Variants in PRR5 observed in about 807,000 individuals in gnomAD.
PRR5 encodes proline-rich protein 5.
A neutral mutation model predicts 30.6 loss-of-function variants in PRR5; 25 were observed. That is an observed-to-expected ratio of 0.82 (90% CI 0.60 to 1.14). The LOEUF is 1.14. Among genes scored for constraint, PRR5 ranks in the 50% most tolerant of loss-of-function variants. PRR5 has a pLI of 0.00. For missense variants in PRR5, 600 were observed against 547.1 expected (o/e 1.10, Z -0.96); for synonymous variants, 286 against 247.1 (o/e 1.16, Z -1.48).
intron 6 of PRR5, chr22:44,734,670 T>G (rs1291257156): frequency 9.2e-6 from 2 of 216,584 alleles, no homozygotes; most frequent in Non-Finnish European, 1.8e-5. Flanking sequence ...CTGCGTGGGG[T>G]CAGCCAGTGT....
Position 44,737,037 on chromosome 22 carries a change from C to T in PRR5, c.957C>T (p.Pro319=). 3 of 1,604,326 alleles carry T rather than the reference C, an allele frequency of 1.9e-6. No individual in the cohort carries two copies. The highest frequency in any genetic ancestry group is 2.6e-6 in the Non-Finnish European group (3 of 1,175,504). ...SSPAPHSGPC[P]SRLYPTTQPP... The stretch of plus-strand genomic sequence containing the variant: ...CGGCGCCCCACTCAGGGCCCTGCCC[C>T]AGCAGACTGTACCCCACGACCCAGC... The change falls in exon 8 of 8, where the codon CCC becomes CCT. Residue 319 remains proline (P), a synonymous_variant. Transcript: ENST00000336985.
At chr22:44,682,218 G>A (rs1306041373) in intron 1 of PRR5, among the ~76,000 whole-genome samples, 1 of 152,246 alleles carries the variant, frequency 6.6e-6, no homozygotes, top group Non-Finnish European at 1.5e-5. Flanking sequence ...CTCCAGGGAG[G>A]CCTCTGGCCA....
upstream of PRR5, among the ~76,000 whole-genome samples, chr22:44,672,574 A>G (rs1923486706): frequency 2.0e-5 from 3 of 152,328 alleles, no homozygotes; most frequent in South Asian, 4.1e-4. Context: ...AGACAGAGCG[A>G]GACACCGTCT....
chr22:44,678,116 G>T (rs1923925788), intron 1 of PRR5, among the ~76,000 whole-genome samples: 1 of 152,174 alleles, frequency 6.6e-6, no homozygotes, highest in South Asian at 2.1e-4. Context: ...CTGCATGCGG[G>T]CTCTTGATGG....
In PRR5 at chr22:44,735,044, G is replaced by A; in HGVS notation, c.573G>A (p.Arg191=). ...TCCTGCAGGGGGTACATGAGTCCAG[G>A]GGCGTGACTGAGGACTACCTGCGCC... The part of the protein sequence containing the change: ...LLVLQGVHES[R]GVTEDYLRLE... Residue 191 remains arginine (R), a synonymous_variant, in exon 7 of 8, where the codon AGG becomes AGA. Transcript: ENST00000336985. The A allele has an allele frequency of 6.2e-7, 1 of 1,612,772 alleles. No homozygotes were observed. The highest frequency in any genetic ancestry group is 8.5e-7 in the Non-Finnish European group (1 of 1,179,578).
At chr22:44,704,402 T>C (rs1926860138) in intron 1 of PRR5, among the ~76,000 whole-genome samples, 1 of 152,098 alleles carries the variant, frequency 6.6e-6, no homozygotes, top group Non-Finnish European at 1.5e-5. Context: ...TGGGTGACCC[T>C]GGAGTGGGCT....
chr22:44,674,271 C>G (rs1284841488), upstream of PRR5, among the ~76,000 whole-genome samples: 2 of 152,000 alleles, frequency 1.3e-5, no homozygotes, highest in Non-Finnish European at 2.9e-5. Flanking sequence ...CACACCCTGC[C>G]AGTGTTTTCG....
chr22:44,737,565 C>T lies in PRR5; in HGVS notation c.*318C>T. On this transcript the variant is annotated 3_prime_UTR_variant, in exon 8 of 8. Transcript: ENST00000336985. ...CACACCTGCCCACAGAGAATGTAAA[C>T]CCAGTGGGCTCTGCCCACGCCGGGC... 1 of 350,692 alleles carries T rather than the reference C, an allele frequency of 2.9e-6. No individual in the cohort carries two copies. The highest frequency in any genetic ancestry group is 5.1e-6 in the Non-Finnish European group (1 of 195,096). The allele number at this position is 350,692 out of a possible 1,614,324, so 21.7% of individuals were successfully genotyped here. A position where few individuals can be genotyped will look rare whatever the true frequency, so the allele number is the denominator to read the frequency against.
At chr22:44,681,430 A>C (rs1424142552) in intron 1 of PRR5, among the ~76,000 whole-genome samples, 2 of 152,118 alleles carry the variant, frequency 1.3e-5, no homozygotes, top group Non-Finnish European at 2.9e-5. Flanking sequence ...TCTACTAAAA[A>C]TATAAAAATT....
intron 4 of PRR5, chr22:44,730,484 C>G (rs1193085706): frequency 1.0e-6 from 1 of 988,466 alleles, no homozygotes; most frequent in African/African-American, 1.7e-5. Context: ...GAACCCAGAG[C>G]CAGCTTGGGC....
In PRR5 at chr22:44,714,622, C is replaced by A. The variant is rs587777903; in HGVS notation, c.166C>A (p.Arg56Ser). The A allele has an allele frequency of 6.2e-7, 1 of 1,613,696 alleles. No homozygotes were observed. Among genetic ancestry groups the A allele is most frequent in the Non-Finnish European group, 8.5e-7 (1 of 1,179,996 alleles). ...CAACGGGGTGATCGCCGTCTTCCAGCGCAAGGGGCTGCCCGACCAGGAGCT... is the reference window on the plus strand; with the variant it reads ...CAACGGGGTGATCGCCGTCTTCCAGAGCAAGGGGCTGCCCGACCAGGAGCT... ...IHNGVIAVFQRKGLPDQELFS... is the reference protein window; with the variant it reads ...IHNGVIAVFQSKGLPDQELFS... The change falls in exon 2 of 8, where the codon CGC (arginine) becomes AGC (serine). Residue 56 changes from arginine (R) to serine (S), a missense_variant. Physicochemically the swap from Arg to Ser is moderately radical, Grantham distance 110. Coordinates refer to ENST00000336985, the MANE Select transcript of PRR5 (RefSeq NM_181333.4).
Position 44,735,092 on chromosome 22 carries a change from G to T in PRR5, c.621G>T (p.Val207=). 6.2e-7 allele frequency: 1 copy of T among 1,612,064 alleles called. No individual in the cohort carries two copies. The highest frequency in any genetic ancestry group is 8.5e-7 in the Non-Finnish European group (1 of 1,178,878). The change falls in exon 7 of 8, where the codon GTG becomes GTT. Residue 207 remains valine, a synonymous_variant. Coordinates refer to ENST00000336985, the MANE Select transcript of PRR5 (RefSeq NM_181333.4). ...YLRLETLVQK[V]VSPYLGTYGL... Reference sequence around the variant, plus strand: ...GCCTGGAGACGCTGGTCCAGAAGGTGGTGTCGCCATACCTGGGCACCTACG... The same window carrying T: ...GCCTGGAGACGCTGGTCCAGAAGGTTGTGTCGCCATACCTGGGCACCTACG...
At chr22:44,674,889 T>C (rs1038183367), upstream of PRR5, among the ~76,000 whole-genome samples, 161 of 149,966 alleles carry the variant, frequency 1.1e-3, no homozygotes, top group African/African-American at 3.6e-3. Flanking sequence ...GAGGTTGCAG[T>C]GAGCCGAGAT....
At chr22:44,699,669 T>C (rs1323147162), upstream of PRR5, among the ~76,000 whole-genome samples, 1 of 152,216 alleles carries the variant, frequency 6.6e-6, no homozygotes, top group Non-Finnish European at 1.5e-5. Context: ...TCCTGGCTTA[T>C]GGCATAGGAT....
intron 1 of PRR5, among the ~76,000 whole-genome samples, chr22:44,685,252 C>T (rs1924641884): frequency 6.6e-6 from 1 of 152,162 alleles, no homozygotes; most frequent in Non-Finnish European, 1.5e-5. Flanking sequence ...CTGGGACAGT[C>T]CTGCTCTGCT....
chr22:44,720,677 C>T (rs1490507354), intron 2 of PRR5, among the ~76,000 whole-genome samples: 3 of 152,208 alleles, frequency 2.0e-5, no homozygotes, highest in Non-Finnish European at 4.4e-5. Context: ...ACTGGCCACT[C>T]ATCCTCAGCC....
rs751143808 is a variant in PRR5 at position 44,732,264 on chromosome 22, C to T, written c.428C>T (p.Ser143Leu). 1.1e-5 allele frequency: 17 copies of T among 1,611,688 alleles called. No individual in the cohort carries two copies. The highest frequency in any genetic ancestry group is 8.9e-5 in the East Asian group (4 of 44,868). ...IFYPVQGKEP[S>L]VRQLALLHFR... ...TTCCGTCCACAGGGCAAGGAGCCATCGGTGCGCCAGCTGGCCCTGCTGCAC... is the reference window on the plus strand; with the variant it reads ...TTCCGTCCACAGGGCAAGGAGCCATTGGTGCGCCAGCTGGCCCTGCTGCAC... The change falls in exon 6 of 8, where the codon TCG (serine) becomes TTG (leucine). Residue 143 changes from serine (S) to leucine (L), a missense_variant. Ser to Leu is a moderately radical substitution (Grantham distance 145). Coordinates refer to ENST00000336985, the MANE Select transcript of PRR5 (RefSeq NM_181333.4).
At chr22:44,729,057 C>G (rs981347382) in intron 4 of PRR5, among the ~76,000 whole-genome samples, 1 of 152,208 alleles carries the variant, frequency 6.6e-6, no homozygotes, top group Non-Finnish European at 1.5e-5. Context: ...AACTTGGGAA[C>G]TCTGGGCGGG....
intron 7 of PRR5, 75 bp from the exon 8 acceptor site, chr22:44,736,697 C>T: frequency 6.7e-7 from 1 of 1,502,440 alleles, no homozygotes; most frequent in South Asian, 1.3e-5. Flanking sequence ...ACCCAGTGTG[C>T]AGTGAGCAGC....
Sources: allele counts gnomAD v4.1 joint callset (sites outside exome capture counted in the v4.1 genomes callset), GRCh38; gene constraint gnomAD v4.1.1; transcripts MANE v1.5; gene names NCBI Gene and HGNC (gene_info 2026-07-23, HGNC 2026-07-21).